The following SUMF1 variants were observed in gnomAD, a reference collection of about 807,000 sequenced individuals.
SUMF1 encodes the protein formylglycine-generating enzyme.
In SUMF1, 48 loss-of-function variants were observed where a neutral mutation model predicts 47.6. The ratio of observed to expected loss-of-function variants is 1.01; its 90% confidence interval spans 0.80 to 1.28. SUMF1 has a LOEUF of 1.28. SUMF1 is among the 50% of genes most tolerant of loss of function. The pLI is 0.00. For missense variants in SUMF1, 571 were observed against 485.4 expected (o/e 1.18, Z -1.66); for synonymous variants, 230 against 192.1 (o/e 1.20, Z -1.63).
At position 4,065,527 on chromosome 3, in the gene SUMF1, T is replaced by A. The variant is rs78964960; in HGVS notation, c.1191+3042A>T. On this transcript the variant is annotated intron_variant and NMD_transcript_variant, in intron 9 of 12. Coordinates refer to the SUMF1 transcript ENST00000448413. ...TAAGGTTCAGAGAATCTACTATAAC[T>A]CTATCTTGCATTTCTACAGTGATTT... is the stretch of plus-strand genomic sequence containing the variant. Among the ~76,000 whole-genome samples, 743 of 152,254 alleles carry A rather than the reference T, an allele frequency of 4.9e-3. 7 individuals carry two copies. Among genetic ancestry groups the A allele is most frequent in the African/African-American group, 0.017 (713 of 41,542 alleles).
intron 8 of SUMF1, among the ~76,000 whole-genome samples, chr3:4,148,694 T>C (rs1476324675): frequency 6.6e-6 from 1 of 152,142 alleles, no homozygotes; most frequent in Non-Finnish European, 1.5e-5. Context: ...TATGTTCCAG[T>C]GAAATTTTCT....
At chr3:4,249,558 T>C (rs562419926) in intron 8 of SUMF1, among the ~76,000 whole-genome samples, 257 of 152,298 alleles carry the variant, frequency 1.7e-3, no homozygotes, top group African/African-American at 6.0e-3. Context: ...ACTTAATAAA[T>C]GTTTGTGTTC....
intron 8 of SUMF1, among the ~76,000 whole-genome samples, chr3:4,190,245 C>G (rs1006057634): frequency 1.3e-5 from 2 of 150,718 alleles, no homozygotes; most frequent in Non-Finnish European, 2.9e-5. Context: ...CAGCTGGACG[C>G]TAATCATTTA....
At chr3:4,410,776 C>T in intron 7 of SUMF1, 89 bp downstream of exon 7, 1 of 1,124,580 alleles carries the variant, frequency 8.9e-7, no homozygotes, top group Non-Finnish European at 1.4e-6. Context: ...ATGTAAATAC[C>T]CCTCGGAAAC....
chr3:4,260,774 G>GGA (rs1229325012), intron 8 of SUMF1, among the ~76,000 whole-genome samples: 1 of 152,058 alleles, frequency 6.6e-6, no homozygotes, highest in East Asian at 1.9e-4. Flanking sequence ...CAGAGACTTA[G>GGA]GAGTTCAGTA....
intron 8 of SUMF1, among the ~76,000 whole-genome samples, chr3:4,221,652 AT>A (rs1696067073): frequency 6.6e-6 from 1 of 152,136 alleles, no homozygotes; most frequent in South Asian, 2.1e-4. Context: ...ATGAATGCCA[AT>A]TATGTGCCAG....
chr3:4,161,874 G>C (rs1333076713), intron 8 of SUMF1, among the ~76,000 whole-genome samples: 1 of 151,944 alleles, frequency 6.6e-6, no homozygotes, highest in African/African-American at 2.4e-5. Context: ...AGCAGAATGA[G>C]TCTCTTCTCA....
At chr3:4,456,960 G>GTA (rs374147029) in intron 1 of SUMF1, among the ~76,000 whole-genome samples, 9,566 of 79,868 alleles carry the variant, frequency 0.12, 1,549 homozygotes, top group African/African-American at 0.17. Flanking sequence ...ATACGTGTGT[G>GTA]TATATATATA....
chr3:4,205,910 C>T (rs1695640879), intron 8 of SUMF1, among the ~76,000 whole-genome samples: 1 of 152,078 alleles, frequency 6.6e-6, no homozygotes, highest in African/African-American at 2.4e-5. Flanking sequence ...GCCCAAGACC[C>T]ATGTTAACTA....
intron 7 of SUMF1, among the ~76,000 whole-genome samples, chr3:4,404,910 G>A (rs1701327973): frequency 6.6e-6 from 1 of 152,188 alleles, no homozygotes; most frequent in Admixed American, 6.5e-5. Context: ...CTGTTGATGG[G>A]ACCATCAATG....
intron 8 of SUMF1, among the ~76,000 whole-genome samples, chr3:4,206,541 G>C (rs77781870): frequency 0.017 from 2,608 of 152,222 alleles, 48 homozygotes; most frequent in East Asian, 0.033. Context: ...CCCAAACACA[G>C]ATTCTTTCTC....
At chr3:4,236,614 C>T (rs1441359428) in intron 8 of SUMF1, among the ~76,000 whole-genome samples, 1 of 151,812 alleles carries the variant, frequency 6.6e-6, no homozygotes, top group African/African-American at 2.4e-5. Flanking sequence ...AATAAACAAA[C>T]TTTGTTCTCT....
chr3:4,219,739 T>C (rs2125172770), intron 8 of SUMF1, among the ~76,000 whole-genome samples: 1 of 152,278 alleles, frequency 6.6e-6, no homozygotes, highest in South Asian at 2.1e-4. Context: ...ACTGGGAATA[T>C]GTTAAAAATA....
At chr3:4,340,541 G>A (rs1025344195) in intron 8 of SUMF1, among the ~76,000 whole-genome samples, 6 of 152,190 alleles carry the variant, frequency 3.9e-5, no homozygotes, top group Admixed American at 6.5e-5. Flanking sequence ...AGTGACTTGC[G>A]ATGGGGGTGC....
chr3:4,289,510 T>C (rs1477741314), intron 8 of SUMF1, among the ~76,000 whole-genome samples: 1 of 152,174 alleles, frequency 6.6e-6, no homozygotes, highest in Non-Finnish European at 1.5e-5. Flanking sequence ...TAAAATAAGA[T>C]AGGAAGCTCT....
chr3:4,137,089 A>C (rs1199351768), intron 8 of SUMF1, among the ~76,000 whole-genome samples: 1 of 152,084 alleles, frequency 6.6e-6, no homozygotes, highest in Non-Finnish European at 1.5e-5. Context: ...CTAGAACTAG[A>C]AAAACCATTT....
rs3046240 is a variant in SUMF1 at position 4,211,103 on chromosome 3, C to CATATATAT, written c.1015-142366_1015-142359dup. Among the ~76,000 whole-genome samples, 475 of 91,384 alleles carry CATATATAT rather than the reference C, an allele frequency of 5.2e-3. 11 individuals are homozygous for CATATATAT. Among genetic ancestry groups the CATATATAT allele is most frequent in the East Asian group, 0.023 (80 of 3,424 alleles). The allele number at this position is 91,384 out of a possible 152,430, so 60.0% of individuals were successfully genotyped here. A position where few individuals can be genotyped will look rare whatever the true frequency, so the allele number is the denominator to read the frequency against. ...GAGTTAATACTCCTTAATAAACTCC[C>CATATATAT]ATATATATATATATATATACACACA... On this transcript the variant is annotated intron_variant and NMD_transcript_variant, in intron 8 of 12. Transcript: ENST00000448413.
chr3:4,139,181 A>G (rs900909765), intron 8 of SUMF1, among the ~76,000 whole-genome samples: 4 of 152,128 alleles, frequency 2.6e-5, no homozygotes, highest in Admixed American at 2.0e-4. Flanking sequence ...ATATTCTGTC[A>G]GTTTTTAAAA....
chr3:4,213,876 T>G (rs555568157), intron 8 of SUMF1, among the ~76,000 whole-genome samples: 112 of 152,274 alleles, frequency 7.4e-4, no homozygotes, highest in African/African-American at 2.6e-3. Flanking sequence ...TAAATATATA[T>G]GCACCCAATA....
Sources: gnomAD v4.1 joint callset for allele counts (sites outside exome capture counted in the v4.1 genomes callset) on GRCh38, gnomAD v4.1.1 for gene constraint, MANE v1.5 for transcripts, NCBI Gene and HGNC (gene_info 2026-07-23, HGNC 2026-07-21) for gene names.